ADRA1B: variants seen among roughly 807,000 people sequenced by gnomAD.
The protein encoded by ADRA1B is alpha-1B adrenergic receptor.
ADRA1B carries 17 observed loss-of-function variants against 17.9 expected under a neutral mutation model. The ratio of observed to expected loss-of-function variants is 0.95; its 90% confidence interval spans 0.65 to 1.42. The LOEUF (loss-of-function observed/expected upper bound fraction) is 1.42, where lower values mean the gene tolerates loss of function less well. ADRA1B is among the 40% of genes most tolerant of loss of function. The pLI, the probability that ADRA1B is intolerant of heterozygous loss-of-function variation, is 0.00. For missense variants in ADRA1B, 681 were observed against 722.1 expected, an observed-to-expected ratio of 0.94 and a Z score of 0.65; for synonymous variants, 366 against 327.6, an observed-to-expected ratio of 1.12 and a Z score of -1.27.
At chr5:159,865,831 C>T (rs913980423) in intron 1 of ADRA1B, among the ~76,000 whole-genome samples, 9 of 152,154 alleles carry the variant, frequency 5.9e-5, no homozygotes, top group East Asian at 1.9e-4. Flanking sequence ...CCCTGGCAGA[C>T]GTAACCCATA....
At chr5:159,928,980 A>T (rs939764306) in intron 1 of ADRA1B, 4 of 152,044 alleles carry the variant, frequency 2.6e-5, no homozygotes, top group Non-Finnish European at 5.9e-5. Context: ...GCTTCTAGGG[A>T]CACTCCCCAC....
intron 1 of ADRA1B, among the ~76,000 whole-genome samples, chr5:159,891,613 G>A (rs771897598): frequency 2.0e-5 from 3 of 152,166 alleles, no homozygotes; most frequent in South Asian, 2.1e-4. Flanking sequence ...GAGGTGGAAA[G>A]GCGCAAAATA....
intron 1 of ADRA1B, among the ~76,000 whole-genome samples, chr5:159,899,263 AAAGGAAGGAAGGAAGGAAGGAAGGAAGG>A (rs199633101): frequency 2.1e-4 from 22 of 106,518 alleles, no homozygotes; most frequent in South Asian, 1.4e-3. Flanking sequence ...AGGAAGGAAG[AAAGGAAGGAAGGAAGGAAGGAAGGAAGG>A]AAGGAAGGAA....
the ADRA1B span, among the ~76,000 whole-genome samples, chr5:159,979,880 A>G: frequency 6.6e-6 from 1 of 151,700 alleles, no homozygotes; most frequent in Non-Finnish European, 1.5e-5. Flanking sequence ...GAAAAAAAAA[A>G]CATGTGGCCA....
intron 1 of ADRA1B, among the ~76,000 whole-genome samples, chr5:159,925,075 G>C (rs754371346): frequency 2.0e-5 from 3 of 152,204 alleles, no homozygotes; most frequent in Non-Finnish European, 2.9e-5. Flanking sequence ...TTACCCAGCT[G>C]ATCAATGACA....
chr5:159,930,572 C>T (rs1581043109), intron 1 of ADRA1B, among the ~76,000 whole-genome samples: 1 of 152,282 alleles, frequency 6.6e-6, no homozygotes, highest in African/African-American at 2.4e-5. Flanking sequence ...GGGTGAGGCT[C>T]CATCTCAAAA....
At chr5:159,906,363 T>C (rs1339471730) in intron 1 of ADRA1B, among the ~76,000 whole-genome samples, 1 of 152,210 alleles carries the variant, frequency 6.6e-6, no homozygotes, top group African/African-American at 2.4e-5. Context: ...AAGAACCCTC[T>C]ATATGAAACA....
chr5:159,903,649 G>A (rs1754126171), intron 1 of ADRA1B, among the ~76,000 whole-genome samples: 1 of 152,248 alleles, frequency 6.6e-6, no homozygotes, highest in South Asian at 2.1e-4. Flanking sequence ...GAGTGTGTGG[G>A]AAGGGCGGCC....
intron 1 of ADRA1B, among the ~76,000 whole-genome samples, chr5:159,938,470 A>G (rs192255923): frequency 1.9e-4 from 29 of 152,286 alleles, no homozygotes; most frequent in Non-Finnish European, 4.0e-4. Context: ...CCAATATCAA[A>G]TCATTAGCGT....
intron 1 of ADRA1B, among the ~76,000 whole-genome samples, chr5:159,877,953 C>A (rs574322211): frequency 1.3e-5 from 2 of 152,316 alleles, no homozygotes; most frequent in African/African-American, 4.8e-5. Context: ...CTCTCCCGAG[C>A]CTTACTTCCT....
intron 1 of ADRA1B, among the ~76,000 whole-genome samples, chr5:159,908,933 C>G (rs771543715): frequency 4.6e-5 from 7 of 152,170 alleles, no homozygotes; most frequent in Non-Finnish European, 8.8e-5. Flanking sequence ...CAGGCTGCTC[C>G]TGTCTAAAAG....
intron 1 of ADRA1B, among the ~76,000 whole-genome samples, chr5:159,962,507 C>T (rs912814245): frequency 2.6e-5 from 4 of 152,196 alleles, no homozygotes; most frequent in Middle Eastern, 3.4e-3. Flanking sequence ...TGAGGGACCT[C>T]GCACTGGTGC....
At chr5:159,906,098 G>A (rs1236993508) in intron 1 of ADRA1B, among the ~76,000 whole-genome samples, 1 of 152,072 alleles carries the variant, frequency 6.6e-6, no homozygotes, top group Non-Finnish European at 1.5e-5. Flanking sequence ...CAGGTGATCT[G>A]CCAGCCTCAG....
intron 1 of ADRA1B, among the ~76,000 whole-genome samples, chr5:159,898,581 T>G (rs1225110260): frequency 6.6e-6 from 1 of 152,242 alleles, no homozygotes; most frequent in Non-Finnish European, 1.5e-5. Flanking sequence ...TTTTAAATAG[T>G]TCATTGTTAT....
At chr5:159,960,798 C>A (rs893202213) in intron 1 of ADRA1B, among the ~76,000 whole-genome samples, 3 of 151,534 alleles carry the variant, frequency 2.0e-5, no homozygotes, top group Non-Finnish European at 4.4e-5. Flanking sequence ...TATCCATGAA[C>A]CTCATTTTGC....
chr5:159,905,231 G>C (rs1322076679), intron 1 of ADRA1B, among the ~76,000 whole-genome samples: 2 of 152,106 alleles, frequency 1.3e-5, no homozygotes, highest in African/African-American at 4.8e-5. Context: ...AGGAGAATAG[G>C]TTTCTAACAC....
chr5:159,899,322 G>GGAAGGAAGGAAGGAA (rs1754076024), intron 1 of ADRA1B, among the ~76,000 whole-genome samples: 2 of 149,904 alleles, frequency 1.3e-5, no homozygotes, highest in African/African-American at 2.4e-5. Flanking sequence ...AAGGAAAGAA[G>GGAAGGAAGGAAGGAA]GAAAGGCAAC....
At chr5:159,981,801 G>A in the ADRA1B span, among the ~76,000 whole-genome samples, 3 of 152,176 alleles carry the variant, frequency 2.0e-5, no homozygotes, top group East Asian at 5.8e-4. Context: ...CAGCCTAGAT[G>A]TCACTTTTTT....
At chr5:159,935,660 C>A (rs1290390064) in intron 1 of ADRA1B, among the ~76,000 whole-genome samples, 2 of 152,214 alleles carry the variant, frequency 1.3e-5, no homozygotes. Context: ...CATTCTCAGG[C>A]CTCGGCCTCC....
Sources: allele counts gnomAD v4.1 joint callset (sites outside exome capture counted in the v4.1 genomes callset), GRCh38; gene constraint gnomAD v4.1.1; transcripts MANE v1.5; gene names NCBI Gene and HGNC (gene_info 2026-07-23, HGNC 2026-07-21).